Variants in NEXMIF observed in about 807,000 individuals in gnomAD.
NEXMIF encodes XLMR protein related to neurite extension.
NEXMIF carries 8 observed loss-of-function variants against 62.1 expected under a neutral mutation model. The ratio of observed to expected loss-of-function variants is 0.13; its 90% CI spans 0.08 to 0.23. The LOEUF (loss-of-function observed/expected upper bound fraction) is 0.23, where lower values mean the gene tolerates loss of function less well. Among genes scored for constraint, NEXMIF ranks in the 10% least tolerant of loss-of-function variants. The probability of loss-of-function intolerance (pLI) is 1.00; values close to 1 mark genes in which losing one functional copy is unlikely to be tolerated. For synonymous variants in NEXMIF, 404 were observed against 416.6 expected (o/e 0.97, Z 0.37); for missense variants, 976 against 1,113.3 (o/e 0.88, Z 1.75).
intron 1 of NEXMIF, among the ~76,000 whole-genome samples, chrX:74,789,593 A>G (rs1003742368): frequency 1.8e-5 from 2 of 111,342 alleles, no homozygotes; most frequent in African/African-American, 6.5e-5. Flanking sequence ...TCCCACCAAC[A>G]GTATAAAACT....
intron 1 of NEXMIF, among the ~76,000 whole-genome samples, chrX:74,844,534 C>A (rs1395384663): frequency 9.0e-6 from 1 of 111,250 alleles, no homozygotes; most frequent in Non-Finnish European, 1.9e-5. Flanking sequence ...TTGCAGTAAA[C>A]CTCCTCAACT....
At chrX:74,758,168 A>G (rs897264787) in intron 1 of NEXMIF, among the ~76,000 whole-genome samples, 2 of 110,833 alleles carry the variant, frequency 1.8e-5, no homozygotes, top group Non-Finnish European at 3.8e-5. Context: ...GGGGAAGAGG[A>G]GAGTGGGTGG....
intron 1 of NEXMIF, among the ~76,000 whole-genome samples, chrX:74,923,399 T>C (rs2080833406): frequency 8.9e-6 from 1 of 112,512 alleles, no homozygotes; most frequent in Admixed American, 9.4e-5. Flanking sequence ...TTCACTGGGA[T>C]AGAGTTTCAG....
At chrX:74,867,047 T>C (rs760538717) in intron 1 of NEXMIF, among the ~76,000 whole-genome samples, 1 of 111,674 alleles carries the variant, frequency 9.0e-6, no homozygotes, top group East Asian at 2.8e-4. Context: ...CTACAGAGAA[T>C]AGAATACCTA....
chrX:74,803,604 C>T (rs1255215183), intron 1 of NEXMIF, among the ~76,000 whole-genome samples: 1 of 109,062 alleles, frequency 9.2e-6, no homozygotes, highest in Non-Finnish European at 1.9e-5. Context: ...ATAAATAATA[C>T]AAACTGTGAA....
intron 1 of NEXMIF, among the ~76,000 whole-genome samples, chrX:74,796,678 T>G (rs893522759): frequency 9.1e-6 from 1 of 110,407 alleles, no homozygotes; most frequent in Non-Finnish European, 1.9e-5. Flanking sequence ...AGCATTTGAG[T>G]AACAAAATAG....
intron 1 of NEXMIF, among the ~76,000 whole-genome samples, chrX:74,886,130 G>A (rs1216960622): frequency 9.0e-6 from 1 of 111,548 alleles, no homozygotes; most frequent in Admixed American, 9.5e-5. Flanking sequence ...AATAAATTAG[G>A]TATTGATGGG....
At chrX:74,874,477 C>G (rs1263963283) in intron 1 of NEXMIF, among the ~76,000 whole-genome samples, 1 of 110,751 alleles carries the variant, frequency 9.0e-6, no homozygotes, top group Admixed American at 9.7e-5. Flanking sequence ...GTGATGTGGG[C>G]TCTTTTTTGG....
At chrX:74,843,644 G>A (rs1384350391) in intron 1 of NEXMIF, among the ~76,000 whole-genome samples, 1 of 108,420 alleles carries the variant, frequency 9.2e-6, no homozygotes, top group African/African-American at 3.4e-5. Context: ...TTGATCTCCT[G>A]ACCTCGTGAT....
intron 1 of NEXMIF, among the ~76,000 whole-genome samples, chrX:74,800,554 C>T (rs2080326633): frequency 9.0e-6 from 1 of 110,919 alleles, no homozygotes; most frequent in Non-Finnish European, 1.9e-5. Context: ...AAAATTCCCT[C>T]AAGCTACCCC....
chrX:74,828,363 A>G, intron 1 of NEXMIF, among the ~76,000 whole-genome samples: 1 of 112,159 alleles, frequency 8.9e-6, no homozygotes, highest in Middle Eastern at 4.6e-3. Context: ...AAGTACTACA[A>G]CACTTCAAAG....
intron 1 of NEXMIF, among the ~76,000 whole-genome samples, chrX:74,841,410 A>G (rs2080473403): frequency 8.9e-6 from 1 of 111,949 alleles, no homozygotes; most frequent in South Asian, 3.8e-4. Context: ...ATGTAGAATC[A>G]TGTCGTCTGC....
chrX:74,767,605 C>G (rs1468329840), intron 1 of NEXMIF, among the ~76,000 whole-genome samples: 2 of 111,457 alleles, frequency 1.8e-5, no homozygotes, highest in Non-Finnish European at 3.8e-5. Context: ...ACCCATCCCT[C>G]CCCTGGGAGC....
chrX:74,792,505 G>C (rs1454088388), intron 1 of NEXMIF, among the ~76,000 whole-genome samples: 1 of 105,704 alleles, frequency 9.5e-6, no homozygotes, highest in East Asian at 3.0e-4. Context: ...TTGGTGCACA[G>C]CTGAGTTCAA....
chrX:74,868,275 G>C (rs1463071627), intron 1 of NEXMIF, among the ~76,000 whole-genome samples: 1 of 111,336 alleles, frequency 9.0e-6, no homozygotes, highest in Non-Finnish European at 1.9e-5. Flanking sequence ...CCTGTTACTG[G>C]GTATATACCC....
At chrX:74,840,177 T>C (rs1157916045) in intron 1 of NEXMIF, among the ~76,000 whole-genome samples, 2 of 112,056 alleles carry the variant, frequency 1.8e-5, no homozygotes, top group Non-Finnish European at 3.8e-5. Flanking sequence ...GATTTTGAGC[T>C]ATTTTTCATA....
intron 1 of NEXMIF, among the ~76,000 whole-genome samples, chrX:74,796,168 ATAT>A (rs2080307424): frequency 1.3e-5 from 1 of 74,511 alleles, no homozygotes; most frequent in African/African-American, 5.3e-5. Context: ...TATATTATAT[ATAT>A]TATATATATA....
At chrX:74,884,793 G>A (rs765488766) in intron 1 of NEXMIF, among the ~76,000 whole-genome samples, 3 of 111,263 alleles carry the variant, frequency 2.7e-5, no homozygotes, top group Non-Finnish European at 5.7e-5. Context: ...GCACCAAGCG[G>A]GCCTAATAGA....
rs188907365 is a variant in NEXMIF, at chrX:74,797,744, A to G, written c.-47-52047T>C. Among the ~76,000 whole-genome samples, 379 of 111,542 alleles carry G rather than the reference A, an allele frequency of 3.4e-3. 2 individuals carry two copies. Among genetic ancestry groups the G allele is most frequent in the African/African-American group, 0.012 (361 of 30,728 alleles). On this transcript the variant is annotated intron_variant, in intron 1 of 3. Transcript: ENST00000055682. The stretch of plus-strand genomic sequence containing the variant: ...TCTACCTAGACTGGGCTTCTTTTTG[A>G]CTGTGTGGGAGGTGGGAACAGAGGC...
Sources: gnomAD v4.1 joint callset for allele counts (sites outside exome capture counted in the v4.1 genomes callset) on GRCh38, gnomAD v4.1.1 for gene constraint, MANE v1.5 for transcripts, NCBI Gene and HGNC (gene_info 2026-07-23, HGNC 2026-07-21) for gene names.